AXIN2: variants seen among roughly 807,000 people sequenced by gnomAD.
AXIN2 encodes the protein axin 2.
AXIN2 carries 21 observed loss-of-function variants against 74.7 expected under a neutral mutation model. The ratio of observed to expected loss-of-function variants is 0.28; its 90% CI spans 0.20 to 0.40. The LOEUF is 0.40. Ranked by LOEUF, AXIN2 falls within the 10% of genes least tolerant of loss-of-function variation. The pLI is 1.00. For missense variants in AXIN2, 1,144 were observed against 1,111.1 expected (o/e 1.03, Z -0.42); for synonymous variants, 532 against 454.9 (o/e 1.17, Z -2.16).
At chr17:65,544,402 C>T (rs1228123901) in intron 3 of AXIN2, among the ~76,000 whole-genome samples, 1 of 134,582 alleles carries the variant, frequency 7.4e-6, no homozygotes, top group Non-Finnish European at 1.6e-5. Context: ...CCACCACACA[C>T]ACTCCATTAC....
At chr17:65,557,722 A>G (rs2044288764) in intron 2 of AXIN2, 84 bp downstream of exon 2, 4 of 1,385,374 alleles carry the variant, frequency 2.9e-6, no homozygotes, top group Non-Finnish European at 4.1e-6. Context: ...CAGTCTCTGC[A>G]GCACACCCAT....
At chr17:65,533,469 T>C (rs1459200570) in intron 10 of AXIN2, among the ~76,000 whole-genome samples, 1 of 152,240 alleles carries the variant, frequency 6.6e-6, no homozygotes, top group African/African-American at 2.4e-5. Context: ...GGGTCTCTCC[T>C]AAACTCAAGC....
rs370461337 is a variant in AXIN2 at position 65,538,192 on chromosome 17, G to T, written c.1200+11C>A. The stretch of plus-strand genomic sequence containing the variant: ...TGGACGGAAGCAGGAAGAAGGCCTA[G>T]GCCGCATTACCTCTCGGATCTGCTG... On this transcript the variant is annotated intron_variant, in intron 5 of 10. Coordinates refer to ENST00000307078, the MANE Select transcript of AXIN2 (RefSeq NM_004655.4). The T allele has an allele frequency of 6.2e-7, 1 of 1,614,194 alleles. No individual in the cohort carries two copies. The highest frequency in any genetic ancestry group is 1.3e-5 in the African/African-American group (1 of 75,084).
At chr17:65,555,063 T>A (rs1354795923) in intron 2 of AXIN2, among the ~76,000 whole-genome samples, 1 of 152,164 alleles carries the variant, frequency 6.6e-6, no homozygotes, top group East Asian at 1.9e-4. Flanking sequence ...TAATTCCTGC[T>A]CTTCCGCCCC....
Position 65,543,174 on chromosome 17 carries a change from AC to A in AXIN2, c.957-1618del, listed in dbSNP as rs529264672. Among the ~76,000 whole-genome samples the A allele has an allele frequency of 1.8e-3, 271 of 152,206 alleles. 1 individual carries two copies. The highest frequency in any genetic ancestry group is 5.5e-3 in the African/African-American group (230 of 41,530). On this transcript the variant is annotated intron_variant, in intron 3 of 10. Coordinates refer to ENST00000307078, the MANE Select transcript of AXIN2 (RefSeq NM_004655.4). Reference sequence around the variant, plus strand: ...AGATCAGTATCCAGAGCAACAACTTACCCCCAAGTGTGAGTACTGCCCCAAA... The same window carrying A: ...AGATCAGTATCCAGAGCAACAACTTACCCCAAGTGTGAGTACTGCCCCAAA...
Position 65,529,637 on chromosome 17 carries a change from T to C in AXIN2, c.*339A>G, listed in dbSNP as rs1455828195. 12 of 438,860 alleles carry C rather than the reference T, an allele frequency of 2.7e-5. No individual in the cohort carries two copies. Among genetic ancestry groups the C allele is most frequent in the South Asian group, 2.5e-4 (11 of 44,584 alleles). The allele number at this position is 438,860 out of a possible 1,614,324, so 27.2% of individuals were successfully genotyped here. A position where few individuals can be genotyped will look rare whatever the true frequency, so the allele number is the denominator to read the frequency against. The stretch of plus-strand genomic sequence containing the variant: ...TAAGGATTCCTGTTCAGGTAAGCTA[T>C]ACACAGTTTCTCTTAGTTTATGGAT... On this transcript the variant is annotated 3_prime_UTR_variant, in exon 11 of 11. Coordinates refer to ENST00000307078, the MANE Select transcript of AXIN2 (RefSeq NM_004655.4).
In AXIN2 at chr17:65,537,444, A is replaced by ATCTCCTCCTTGG; in HGVS notation, c.1580_1591dup (p.Thr527_Glu530dup). 6.2e-7 allele frequency: 1 copy of ATCTCCTCCTTGG among 1,613,600 alleles called. No individual in the cohort carries two copies. The highest frequency in any genetic ancestry group is 8.5e-7 in the Non-Finnish European group (1 of 1,179,950). ...CACCCGCTGCGTGGCCTCCGCCTCG[A>ATCTCCTCCTTGG]TCTCCTCCTTGGTCTTGGGGACGGC... On this transcript the variant is annotated inframe_insertion, in exon 6 of 11. Transcript: ENST00000307078.
rs201318005 is a variant in AXIN2 at position 65,529,091 on chromosome 17, C to CA, written c.*884dup. On this transcript the variant is annotated 3_prime_UTR_variant, in exon 11 of 11. Coordinates refer to ENST00000307078, the MANE Select transcript of AXIN2 (RefSeq NM_004655.4). ...GACTAATGTAAAACAAAAACAGAAA[C>CA]AAAAAAAACAAGGAACTGTCATTTC... 13 of 233,768 alleles carry CA rather than the reference C, an allele frequency of 5.6e-5. No homozygotes were observed. Among genetic ancestry groups the CA allele is most frequent in the Middle Eastern group, 1.3e-3 (1 of 786 alleles). The allele number at this position is 233,768 out of a possible 1,614,324, so 14.5% of individuals were successfully genotyped here.
At chr17:65,558,772 G>T in intron 1 of AXIN2, 36 bp from the exon 2 acceptor site, 1 of 796,844 alleles carries the variant, frequency 1.3e-6, no homozygotes. Flanking sequence ...TGGGGAGAGA[G>T]AAAAGGGTAT....
At chr17:65,553,159 T>C (rs975151804) in intron 2 of AXIN2, among the ~76,000 whole-genome samples, 1 of 152,218 alleles carries the variant, frequency 6.6e-6, no homozygotes. Flanking sequence ...ACCTGTCCTG[T>C]GAAACCAGAC....
rs1415397819 is a variant in AXIN2, at chr17:65,537,779, C to A, written c.1257G>T (p.Thr419=). The A allele has an allele frequency of 6.3e-7, 1 of 1,587,770 alleles. No homozygotes were observed. The highest frequency in any genetic ancestry group is 2.3e-5 in the East Asian group (1 of 43,556). Residue 419 remains threonine (T), a synonymous_variant, in exon 6 of 11, where the codon ACG becomes ACT. Transcript: ENST00000307078. ...LTLNSREGAP[T]QHPLSLLPSG... is the part of the protein sequence containing the mutation. Reference sequence around the variant, plus strand: ...AGGGCAGTAGGGAGAGGGGGTGCTGCGTGGGCGCCCCCTCCCGCGAATTGA... The same window carrying A: ...AGGGCAGTAGGGAGAGGGGGTGCTGAGTGGGCGCCCCCTCCCGCGAATTGA...
intron 9 of AXIN2, 119 bp from the exon 10 acceptor site, chr17:65,534,198 T>C (rs1170654714): frequency 1.2e-5 from 16 of 1,291,900 alleles, no homozygotes; most frequent in Non-Finnish European, 1.4e-5. Context: ...AGGGCTGCAA[T>C]TGTAAACCCA....
chr17:65,540,356 T>G (rs999749284), intron 4 of AXIN2, among the ~76,000 whole-genome samples: 4 of 152,168 alleles, frequency 2.6e-5, no homozygotes, highest in African/African-American at 7.2e-5. Flanking sequence ...GTTAACAGAA[T>G]AGATAAAACT....
intron 10 of AXIN2, 117 bp downstream of exon 10, chr17:65,533,795 G>A (rs980519890): frequency 1.4e-5 from 15 of 1,037,548 alleles, no homozygotes; most frequent in African/African-American, 1.1e-4. Context: ...AGCGCCTGCT[G>A]AGCCCCCTCC....
Position 65,549,581 on chromosome 17 carries a change from C to G in AXIN2, c.895G>C (p.Asp299His), listed in dbSNP as rs773351166. The G allele has an allele frequency of 6.2e-7, 1 of 1,609,000 alleles. No homozygotes were observed. The highest frequency in any genetic ancestry group is 8.5e-7 in the Non-Finnish European group (1 of 1,177,638). Residue 299 changes from aspartate to histidine, a missense_variant, in exon 3 of 11, where the codon GAC (aspartate) becomes CAC (histidine). This residue lies in a region of AXIN2 where 1,053 missense variants were observed against 973.5 expected (regional missense o/e 1.08). Coordinates refer to ENST00000307078, the MANE Select transcript of AXIN2 (RefSeq NM_004655.4). The stretch of plus-strand genomic sequence containing the variant: ...AGCGCATCACTGGATATCTCACTGT[C>G]GTTGGCGCTGGTGGCTGGTGCAAAG... The part of the protein sequence containing the change: ...YVFAPATSAN[D>H]SEISSDALTD...
Position 65,557,823 on chromosome 17 carries a change from A to G in AXIN2, c.798T>C (p.Thr266=), listed in dbSNP as rs2044291724. ...RATASVRSTE[T]VDSGYRSFKR... Reference sequence around the variant, plus strand: ...AGTCTTACCTGTATCCACTGTCAACAGTTTCCGTGGACCTCACACTCGCCG... The same window carrying G: ...AGTCTTACCTGTATCCACTGTCAACGGTTTCCGTGGACCTCACACTCGCCG... The change falls in exon 2 of 11, where the codon ACT becomes ACC. Residue 266 remains threonine (T), a synonymous_variant. Transcript: ENST00000307078. The G allele has an allele frequency of 6.2e-7, 1 of 1,614,040 alleles. No homozygotes were observed. The highest frequency in any genetic ancestry group is 1.3e-5 in the African/African-American group (1 of 74,918).
intron 3 of AXIN2, among the ~76,000 whole-genome samples, chr17:65,544,307 G>A (rs1041892266): frequency 6.6e-6 from 1 of 151,506 alleles, no homozygotes; most frequent in South Asian, 2.1e-4. Flanking sequence ...GATGGGGAGG[G>A]GAGTAGATAA....
chr17:65,558,225 T>C lies in AXIN2; in HGVS notation c.396A>G (p.Lys132=), dbSNP rs752373189. 3.7e-6 allele frequency: 6 copies of C among 1,614,030 alleles called. No homozygotes were observed. In the East Asian group the frequency reaches 1.1e-4, roughly 30 times the overall value. ...TCTCAATGTACCTTTTGTAGATCGC[T>C]TTGGCTACTCGTAAAGTTTTGGTAT... ...LKDTKTLRVA[K]AIYKRYIENN... is the part of the protein sequence containing the mutation. Residue 132 remains lysine, a synonymous_variant, in exon 2 of 11, where the codon AAA becomes AAG. Transcript: ENST00000307078.
intron 3 of AXIN2, among the ~76,000 whole-genome samples, chr17:65,547,998 A>G (rs1158077661): frequency 6.6e-6 from 1 of 152,252 alleles, no homozygotes; most frequent in Non-Finnish European, 1.5e-5. Context: ...CAATAATGAC[A>G]GAGCAAAATG....
Sources: gnomAD v4.1 joint callset for allele counts (sites outside exome capture counted in the v4.1 genomes callset) on GRCh38, gnomAD v4.1.1 for gene constraint, gnomAD v4.1.1 regional missense constraint, MANE v1.5 for transcripts, NCBI Gene and HGNC (gene_info 2026-07-23, HGNC 2026-07-21) for gene names.